The following PTPRN2 variants were observed in gnomAD, a reference collection of about 807,000 sequenced individuals.
PTPRN2 encodes the protein protein tyrosine phosphatase receptor type N2.
Under a neutral mutation model 118.8 loss-of-function variants are expected in PTPRN2, and 74 were observed. That is an observed-to-expected ratio of 0.62 (90% CI 0.52 to 0.76). The LOEUF is 0.76. Among genes scored for constraint, PTPRN2 ranks in the 30% least tolerant of loss-of-function variants. The probability of loss-of-function intolerance (pLI) is 0.00; values close to 1 mark genes in which losing one functional copy is unlikely to be tolerated. For missense variants in PTPRN2, 1,481 were observed against 1,394.4 expected (o/e 1.06, Z -0.99); for synonymous variants, 641 against 608.0 (o/e 1.05, Z -0.80).
chr7:158,514,330 C>T (rs80173312), intron 1 of PTPRN2, among the ~76,000 whole-genome samples: 2,644 of 152,228 alleles, frequency 0.017, 73 homozygotes, highest in African/African-American at 0.058. Context: ...GAGGGAGTGA[C>T]GGAGAATGCA....
chr7:157,578,065 G>A lies in PTPRN2; in HGVS notation c.2572C>T (p.His858Tyr). 5 of 1,613,592 alleles carry A rather than the reference G, an allele frequency of 3.1e-6. No homozygotes were observed. Among genetic ancestry groups the A allele is most frequent in the Non-Finnish European group, 4.2e-6 (5 of 1,179,688 alleles). The change falls in exon 18 of 23, where the codon CAC becomes TAC. Residue 858 changes from histidine (H) to tyrosine (Y), a missense_variant. By Grantham distance (83) the His-to-Tyr change is moderately conservative (BLOSUM62 2). Transcript: ENST00000389418. ...TTGGAGCCTTCATCCGGCCAGTAGTGGTAGCACTGCCGGACGCCGTTCTCC... is the reference window on the plus strand; with the variant it reads ...TTGGAGCCTTCATCCGGCCAGTAGTAGTAGCACTGCCGGACGCCGTTCTCC... ...LAENGVRQCY[H>Y]YWPDEGSNLY...
At chr7:158,056,720 G>A (rs991081050) in intron 11 of PTPRN2, among the ~76,000 whole-genome samples, 1 of 152,210 alleles carries the variant, frequency 6.6e-6, no homozygotes, top group Non-Finnish European at 1.5e-5. Context: ...ATGCTTTTGA[G>A]TGATTCTTGT....
chr7:157,669,392 G>A (rs765025779), intron 13 of PTPRN2: 246 of 418,066 alleles, frequency 5.9e-4, no homozygotes, highest in Non-Finnish European at 8.4e-4. Flanking sequence ...TTTACACTTG[G>A]ACCAAGAACA....
At chr7:157,688,306 CTG>C (rs1345352321) in intron 12 of PTPRN2, among the ~76,000 whole-genome samples, 1 of 152,198 alleles carries the variant, frequency 6.6e-6, no homozygotes, top group Non-Finnish European at 1.5e-5. Flanking sequence ...TAAAGAAATA[CTG>C]TGTTTTAAGA....
chr7:157,821,133 T>C (rs949489094), intron 12 of PTPRN2, among the ~76,000 whole-genome samples: 3 of 152,180 alleles, frequency 2.0e-5, no homozygotes, highest in African/African-American at 7.2e-5. Flanking sequence ...CTTGTGCCAA[T>C]GCCACTCGGG....
At chr7:158,171,288 T>C (rs202141405) in intron 5 of PTPRN2, among the ~76,000 whole-genome samples, 1,050 of 47,102 alleles carry the variant, frequency 0.022, 132 homozygotes, top group African/African-American at 0.11. Context: ...CACATATATA[T>C]ACACACATAT....
intron 3 of PTPRN2, among the ~76,000 whole-genome samples, chr7:158,314,794 G>C (rs550085564): frequency 5.2e-5 from 8 of 152,402 alleles, no homozygotes; most frequent in African/African-American, 1.9e-4. Flanking sequence ...CCCAAAAGCA[G>C]ACACGTGTAG....
intron 11 of PTPRN2, among the ~76,000 whole-genome samples, chr7:157,967,558 G>T (rs548988071): frequency 3.6e-4 from 55 of 152,262 alleles, no homozygotes; most frequent in African/African-American, 1.3e-3. Context: ...GGTGAAATCT[G>T]ACTGTGGGCT....
rs978443945 is a variant in PTPRN2, at chr7:157,627,922, C to T, written c.2197-6413G>A. 2.6e-5 allele frequency among the ~76,000 whole-genome samples: 4 copies of T among 152,320 alleles called. No homozygotes were observed. Among genetic ancestry groups the T allele is most frequent in the South Asian group, 2.1e-4 (1 of 4,824 alleles). ...CACCCTTTGAGAATGACACCATCAG[C>T]GCTCACATAATCTACTTTGTTAGAG... On this transcript the variant is annotated intron_variant, in intron 14 of 22. Transcript: ENST00000389418. The surrounding 1 kb of genome is among the most constrained non-coding windows in gnomAD (Gnocchi z 4.2).
chr7:158,319,215 A>G (rs1456539754), intron 2 of PTPRN2, among the ~76,000 whole-genome samples: 3 of 152,298 alleles, frequency 2.0e-5, no homozygotes, highest in South Asian at 2.1e-4. Flanking sequence ...AGTTGAAATA[A>G]ACTAACCATT....
chr7:157,596,696 C>A lies in PTPRN2; in HGVS notation c.2419-1381G>T, dbSNP rs1419654341. On this transcript the variant is annotated intron_variant, in intron 16 of 22. Coordinates refer to ENST00000389418, the MANE Select transcript of PTPRN2 (RefSeq NM_002847.5). The surrounding 1 kb of genome is among the most constrained non-coding windows in gnomAD (Gnocchi z 4.2). ...CCAGAAGCATCTGCAGAGACCGACC[C>A]CCGGAGAGCCGGATGCTGCGCTGGG... Among the ~76,000 whole-genome samples the A allele has an allele frequency of 6.6e-6, 1 of 152,148 alleles. No individual in the cohort carries two copies. Among genetic ancestry groups the A allele is most frequent in the Non-Finnish European group, 1.5e-5 (1 of 68,020 alleles).
rs1464371069 is a variant in PTPRN2, at chr7:158,487,855, A to C, written c.163+1880T>G. On this transcript the variant is annotated intron_variant, in intron 2 of 22. Transcript: ENST00000389418. ...TGGCTTCGCTGTTTCCTAGACCTTC[A>C]GTGCATCATAAAAAAAAAAAATCAA... Among the ~76,000 whole-genome samples the C allele has an allele frequency of 3.4e-5, 5 of 147,976 alleles. No homozygotes were observed. In the East Asian group the frequency reaches 6.4e-4, roughly 19 times the overall value.
intron 18 of PTPRN2, 138 bp downstream of exon 18, chr7:157,577,883 C>T: frequency 8.2e-7 from 1 of 1,212,180 alleles, no homozygotes; most frequent in South Asian, 2.1e-5. Flanking sequence ...GCTCAGCCTC[C>T]ATCCCCTGAA....
chr7:158,031,805 A>T (rs1273666186), intron 11 of PTPRN2, among the ~76,000 whole-genome samples: 2 of 152,246 alleles, frequency 1.3e-5, no homozygotes, highest in Non-Finnish European at 2.9e-5. Flanking sequence ...ATCATCGAGT[A>T]AAAAAGGTGG....
chr7:158,171,330 T>C lies in PTPRN2; in HGVS notation c.550-4039A>G, dbSNP rs1300443148. Among the ~76,000 whole-genome samples, 113 of 127,508 alleles carry C rather than the reference T, an allele frequency of 8.9e-4. 5 individuals are homozygous for C. The highest frequency in any genetic ancestry group is 1.8e-3 in the East Asian group (8 of 4,566). 83.7% of individuals were successfully genotyped at this position (127,508 alleles called of 152,430 possible). A position where few individuals can be genotyped will look rare whatever the true frequency, so the allele number is the denominator to read the frequency against. On this transcript the variant is annotated intron_variant, in intron 5 of 22. Coordinates refer to ENST00000389418, the MANE Select transcript of PTPRN2 (RefSeq NM_002847.5). ...ACACATATATATATATATATATATA[T>C]ATATATATATATATATATACACACA... is the stretch of plus-strand genomic sequence containing the variant.
At chr7:158,440,329 G>A (rs539570391) in intron 2 of PTPRN2, among the ~76,000 whole-genome samples, 14 of 152,366 alleles carry the variant, frequency 9.2e-5, no homozygotes, top group African/African-American at 3.4e-4. Context: ...GGTGGCTGTG[G>A]TATCTCAGGA....
chr7:158,085,715 C>T (rs1222727950), intron 10 of PTPRN2, among the ~76,000 whole-genome samples: 1 of 141,456 alleles, frequency 7.1e-6, no homozygotes, highest in African/African-American at 2.8e-5. Flanking sequence ...CATCCACACC[C>T]ACGACGCCCA....
chr7:157,880,095 G>A (rs1286436417), intron 12 of PTPRN2, among the ~76,000 whole-genome samples: 1 of 152,162 alleles, frequency 6.6e-6, no homozygotes, highest in African/African-American at 2.4e-5. Context: ...GTGTTAACGA[G>A]GGATTAAATA....
At chr7:157,971,197 T>C (rs1585112171) in intron 11 of PTPRN2, among the ~76,000 whole-genome samples, 1 of 152,370 alleles carries the variant, frequency 6.6e-6, no homozygotes, top group East Asian at 1.9e-4. Context: ...ACATACTAAA[T>C]ATTTGTACTT....
Sources: allele counts gnomAD v4.1 joint callset (sites outside exome capture counted in the v4.1 genomes callset), GRCh38; gene constraint gnomAD v4.1.1; non-coding constraint Gnocchi (gnomAD v3.1); transcripts MANE v1.5; gene names NCBI Gene and HGNC (gene_info 2026-07-23, HGNC 2026-07-21).